The following MGA variants were observed in gnomAD, a reference collection of about 807,000 sequenced individuals.
MGA encodes the protein MAX gene-associated protein.
MGA carries 40 observed loss-of-function variants against 261.1 expected under a neutral mutation model. The observed-to-expected ratio is 0.15, with a 90% CI of 0.12 to 0.20. The LOEUF is 0.20. MGA is among the 10% of genes least tolerant of loss of function. The probability of loss-of-function intolerance (pLI) is 1.00; values close to 1 mark genes in which losing one functional copy is unlikely to be tolerated. For missense variants in MGA, 3,397 were observed against 3,630.5 expected (o/e 0.94, Z 1.65); for synonymous variants, 1,302 against 1,290.6 (o/e 1.01, Z -0.19).
At chr15:41,742,352 G>A (rs943978678) in intron 14 of MGA, among the ~76,000 whole-genome samples, 194 bp from the exon 15 acceptor site, 1 of 151,948 alleles carries the variant, frequency 6.6e-6, no homozygotes, top group Non-Finnish European at 1.5e-5. Context: ...TCGCGCCATT[G>A]CACTCTAGCC....
intron 1 of MGA, among the ~76,000 whole-genome samples, chr15:41,633,632 A>G (rs1472149036): frequency 6.6e-6 from 1 of 152,090 alleles, no homozygotes; most frequent in Non-Finnish European, 1.5e-5. Context: ...CATGTTGCCC[A>G]GGCTGGTCTG....
chr15:41,750,134 A>G lies in MGA; in HGVS notation c.6527A>G (p.Lys2176Arg). The stretch of plus-strand genomic sequence containing the variant: ...GAGAAAGACAGGGAAAGATGGAGAA[A>G]ACATCTGAAGGGCCCCTTAACCAGG... Residue 2176 changes from lysine to arginine, a missense_variant, in exon 17 of 24, where the codon AAA (lysine) becomes AGA (arginine). Transcript: ENST00000219905. 6.2e-7 allele frequency: 1 copy of G among 1,613,718 alleles called. No individual in the cohort carries two copies.
chr15:41,720,916 A>C (rs2060904679), intron 9 of MGA, among the ~76,000 whole-genome samples: 1 of 152,216 alleles, frequency 6.6e-6, no homozygotes, highest in African/African-American at 2.4e-5. Context: ...TAAAGAAAGA[A>C]TGATCTTTTC....
At chr15:41,755,506 A>G (rs1355321465) in intron 18 of MGA, among the ~76,000 whole-genome samples, 4 of 152,262 alleles carry the variant, frequency 2.6e-5, no homozygotes, top group African/African-American at 9.6e-5. Flanking sequence ...GGCAACAAAC[A>G]AAAACTCTAA....
At chr15:41,689,870 G>C (rs1463163564) in intron 2 of MGA, among the ~76,000 whole-genome samples, 2 of 152,102 alleles carry the variant, frequency 1.3e-5, no homozygotes, top group African/African-American at 4.8e-5. Flanking sequence ...ACAGTCTGAA[G>C]AACTTCCTTT....
intron 18 of MGA, among the ~76,000 whole-genome samples, chr15:41,756,467 G>A (rs1595995257): frequency 6.6e-6 from 1 of 152,198 alleles, no homozygotes; most frequent in Non-Finnish European, 1.5e-5. Flanking sequence ...AAGTGGGAGT[G>A]TACATTGTTA....
intron 1 of MGA, among the ~76,000 whole-genome samples, chr15:41,630,752 G>A (rs1328524112): frequency 6.6e-6 from 1 of 152,136 alleles, no homozygotes; most frequent in Admixed American, 6.6e-5. Flanking sequence ...CTTCTCAGTA[G>A]TCGGGAATTC....
At position 41,734,543 on chromosome 15, in the gene MGA, C is replaced by T; in HGVS notation, c.3865C>T (p.Pro1289Ser). 1 of 1,608,678 alleles carries T rather than the reference C, an allele frequency of 6.2e-7. No individual in the cohort carries two copies. The highest frequency in any genetic ancestry group is 8.5e-7 in the Non-Finnish European group (1 of 1,177,200). Residue 1289 changes from proline to serine, a missense_variant, in exon 12 of 24, where the codon CCC (proline) becomes TCC (serine). Physicochemically the swap from Pro to Ser is moderately conservative, Grantham distance 74. Transcript: ENST00000219905. The stretch of plus-strand genomic sequence containing the variant: ...TCAGGAACCTGATTCTGAACAGCAG[C>T]CCTTAAAACAACTCACCTGTGACTT...
intron 1 of MGA, among the ~76,000 whole-genome samples, chr15:41,642,457 C>T (rs2056841540): frequency 6.6e-6 from 1 of 150,756 alleles, no homozygotes; most frequent in East Asian, 2.0e-4. Flanking sequence ...TTACAGGTGC[C>T]CGCCACTACT....
chr15:41,685,970 A>G (rs1396745599), intron 2 of MGA, among the ~76,000 whole-genome samples: 4 of 150,558 alleles, frequency 2.7e-5, no homozygotes, highest in Non-Finnish European at 4.4e-5. Flanking sequence ...GTGCCACTGC[A>G]CTCCAGCCTG....
chr15:41,745,785 C>T lies in MGA; in HGVS notation c.5212+2613C>T, dbSNP rs891709742. Among the ~76,000 whole-genome samples the T allele has an allele frequency of 3.6e-4, 55 of 151,974 alleles. 1 individual carries two copies. The highest frequency in any genetic ancestry group is 1.0e-3 in the South Asian group (5 of 4,820). On this transcript the variant is annotated intron_variant, in intron 15 of 23. Coordinates refer to ENST00000219905, the MANE Select transcript of MGA (RefSeq NM_001164273.2). ...ACACCTGGTTAATTTTTTTGATTTT[C>T]AGTAGAGGCGAGGTCTCGCTGTGTT...
intron 1 of MGA, among the ~76,000 whole-genome samples, chr15:41,622,373 A>G (rs915004433): frequency 6.6e-6 from 1 of 152,070 alleles, no homozygotes; most frequent in Non-Finnish European, 1.5e-5. Context: ...AATTCTTAAA[A>G]ATTATAATGA....
intron 2 of MGA, among the ~76,000 whole-genome samples, chr15:41,690,649 G>GT (rs1176894906): frequency 2.0e-5 from 3 of 152,080 alleles, no homozygotes; most frequent in Non-Finnish European, 4.4e-5. Flanking sequence ...GAGCCCAGGA[G>GT]TTTGAGACCA....
chr15:41,675,689 C>G (rs1335320306), intron 2 of MGA, among the ~76,000 whole-genome samples: 1 of 152,090 alleles, frequency 6.6e-6, no homozygotes, highest in Non-Finnish European at 1.5e-5. Context: ...TTAGAGGCTT[C>G]TAATTCCATT....
At chr15:41,730,295 C>T (rs1053367458) in intron 11 of MGA, among the ~76,000 whole-genome samples, 10 of 151,824 alleles carry the variant, frequency 6.6e-5, no homozygotes, top group East Asian at 2.0e-4. Flanking sequence ...AAAAATTAGC[C>T]GGGTGTGGTG....
upstream of MGA, among the ~76,000 whole-genome samples, chr15:41,655,553 AT>A (rs1159180006): frequency 6.6e-6 from 1 of 151,510 alleles, no homozygotes; most frequent in Non-Finnish European, 1.5e-5. Context: ...ACTTTTTTTT[AT>A]TTTGTTGTAT....
At chr15:41,694,398 A>G (rs1039767037) in intron 2 of MGA, among the ~76,000 whole-genome samples, 2 of 152,086 alleles carry the variant, frequency 1.3e-5, no homozygotes, top group African/African-American at 4.8e-5. Flanking sequence ...ACCCCATCTC[A>G]GGGAAAAAAA....
intron 1 of MGA, among the ~76,000 whole-genome samples, chr15:41,639,536 A>G (rs1008600188): frequency 4.0e-5 from 6 of 149,272 alleles, no homozygotes; most frequent in Non-Finnish European, 7.4e-5. Context: ...TAAATTAATT[A>G]ATTTATTTTT....
chr15:41,710,874 G>A lies in MGA; in HGVS notation c.2609G>A (p.Ser870Asn). The change falls in exon 8 of 24, where the codon AGT (serine) becomes AAT (asparagine). Residue 870 changes from serine to asparagine, a missense_variant. This residue lies in a region of MGA where 519 missense variants were observed against 554.1 expected (regional missense o/e 0.94). Transcript: ENST00000219905. ...ACCAGTTATGTACGAACACTTGATA[G>A]TGTACTAAAGAAGCAATCTACTATT... is the stretch of plus-strand genomic sequence containing the variant. 1.2e-6 allele frequency: 2 copies of A among 1,613,906 alleles called. No individual in the cohort carries two copies. Among genetic ancestry groups the A allele is most frequent in the South Asian group, 2.2e-5 (2 of 91,074 alleles).
Sources: gnomAD v4.1 joint callset for allele counts (sites outside exome capture counted in the v4.1 genomes callset) on GRCh38, gnomAD v4.1.1 for gene constraint, gnomAD v4.1.1 regional missense constraint, MANE v1.5 for transcripts, NCBI Gene and HGNC (gene_info 2026-07-23, HGNC 2026-07-21) for gene names.